Variants in POLR2J observed in about 807,000 individuals in gnomAD.
POLR2J encodes DNA-directed RNA polymerase II subunit RPB11-a.
A neutral mutation model predicts 13.4 loss-of-function variants in POLR2J; 12 were observed. That is an observed-to-expected ratio of 0.90 (90% CI 0.57 to 1.45). The LOEUF (loss-of-function observed/expected upper bound fraction) is 1.45. Among genes scored for constraint, POLR2J ranks in the 40% most tolerant of loss-of-function variants. POLR2J has a pLI of 0.00. For missense variants in POLR2J, 58 were observed against 132.0 expected (o/e 0.44, Z 2.75); for synonymous variants, 31 against 53.6 (o/e 0.58, Z 1.84).
rs768366636 is a variant in POLR2J at position 102,474,012 on chromosome 7, G to A, written c.319-328C>T. ...CAGGAACAGGTGTGGGCCACCCGGG[G>A]GTGAGCTGCCTCCCAGAGACCTGGA... On this transcript the variant is annotated intron_variant, in intron 3 of 3. Coordinates refer to ENST00000292614, the MANE Select transcript of POLR2J (RefSeq NM_006234.6). The A allele has an allele frequency of 8.7e-4, 1,255 of 1,439,148 alleles. 3 individuals carry two copies. Among genetic ancestry groups the A allele is most frequent in the Non-Finnish European group, 1.1e-3 (1,215 of 1,102,182 alleles). The allele number at this position is 1,439,148 out of a possible 1,614,324, so 89.1% of individuals were successfully genotyped here. A position where few individuals can be genotyped will look rare whatever the true frequency, so the allele number is the denominator to read the frequency against.
chr7:102,474,079 G>A (rs1798334684), intron 3 of POLR2J: 3 of 1,455,234 alleles, frequency 2.1e-6, no homozygotes, highest in Non-Finnish European at 1.8e-6. Flanking sequence ...ACGTAGAAGA[G>A]CACCCCCAAA....
In POLR2J at chr7:102,473,588, G is replaced by GC. The variant is rs1798306687; in HGVS notation, c.*60dup. The GC allele has an allele frequency of 1.3e-6, 2 of 1,563,238 alleles. No individual in the cohort carries two copies. Among genetic ancestry groups the GC allele is most frequent in the African/African-American group, 1.5e-5 (1 of 67,918 alleles). ...CGCTCTCCTCGGTGTGGTACCTGGA[G>GC]CGGAGGGTCAGGCACAGGTAGGAAC... On this transcript the variant is annotated 3_prime_UTR_variant, in exon 4 of 4. Transcript: ENST00000292614.
intron 1 of POLR2J, among the ~76,000 whole-genome samples, chr7:102,478,549 C>T (rs1338557299): frequency 6.6e-6 from 1 of 151,808 alleles, no homozygotes; most frequent in East Asian, 1.9e-4. Flanking sequence ...GAACCAGACA[C>T]TCTGGGTTCG....
Position 102,473,373 on chromosome 7 carries a change from G to A in POLR2J, c.*276C>T, listed in dbSNP as rs936184639. 7.3e-5 allele frequency: 42 copies of A among 574,760 alleles called. No homozygotes were observed. The highest frequency in any genetic ancestry group is 8.3e-5 in the Non-Finnish European group (28 of 336,312). The allele number at this position is 574,760 out of a possible 1,614,324, so 35.6% of individuals were successfully genotyped here. A position where few individuals can be genotyped will look rare whatever the true frequency, so the allele number is the denominator to read the frequency against. On this transcript the variant is annotated 3_prime_UTR_variant, in exon 4 of 4. Coordinates refer to ENST00000292614, the MANE Select transcript of POLR2J (RefSeq NM_006234.6). ...ATGAATTCATCCCTGCCAGCCGGAC[G>A]CCCCTGAAACAGGTCATCTGCCTGC...
At chr7:102,477,077 GT>G (rs1416304234) in intron 1 of POLR2J, among the ~76,000 whole-genome samples, 1 of 129,218 alleles carries the variant, frequency 7.7e-6, no homozygotes, top group Non-Finnish European at 1.7e-5. Context: ...GGTGAGGCTG[GT>G]CCTGACCCTG....
Position 102,473,493 on chromosome 7 carries a change from A to T in POLR2J, c.*156T>A, listed in dbSNP as rs891995915. On this transcript the variant is annotated 3_prime_UTR_variant, in exon 4 of 4. Coordinates refer to ENST00000292614, the MANE Select transcript of POLR2J (RefSeq NM_006234.6). ...ATACTTTATTAGGAATATAAAACCT[A>T]ATCTATGTACAGGACACGTCGGTGT... 19 of 911,560 alleles carry T rather than the reference A, an allele frequency of 2.1e-5. No individual in the cohort carries two copies. Among genetic ancestry groups the T allele is most frequent in the African/African-American group, 5.6e-5 (2 of 35,840 alleles). 56.5% of individuals were successfully genotyped at this position (911,560 alleles called of 1,614,324 possible).
At chr7:102,478,512 CAGA>C in intron 1 of POLR2J, among the ~76,000 whole-genome samples, 1 of 152,020 alleles carries the variant, frequency 6.6e-6, no homozygotes, top group Admixed American at 6.6e-5. Context: ...AGGAAGCTGC[CAGA>C]TCCCAGAGGA....
intron 1 of POLR2J, among the ~76,000 whole-genome samples, chr7:102,477,843 TGCGCTCA>T (rs1304102439): frequency 1.1e-5 from 1 of 90,312 alleles, no homozygotes; most frequent in African/African-American, 3.2e-5. Context: ...GACACAGGAT[TGCGCTCA>T]GTCGCCCAGG....
Position 102,478,886 on chromosome 7 carries a change from C to A in POLR2J, c.-26G>T. 6.2e-7 allele frequency: 1 copy of A among 1,610,280 alleles called. No homozygotes were observed. Among genetic ancestry groups the A allele is most frequent in the Non-Finnish European group, 8.5e-7 (1 of 1,179,580 alleles). The stretch of plus-strand genomic sequence containing the variant: ...GCTCCCGCCGCCGTTGCGTCCAGAC[C>A]CCAAGGGTCCGCCGCCGCCGCCACC... On this transcript the variant is annotated 5_prime_UTR_variant, in exon 1 of 4. Coordinates refer to ENST00000292614, the MANE Select transcript of POLR2J (RefSeq NM_006234.6).
intron 1 of POLR2J, among the ~76,000 whole-genome samples, chr7:102,476,532 T>C (rs553989210): frequency 6.7e-6 from 1 of 148,336 alleles, no homozygotes; most frequent in Admixed American, 6.7e-5. Context: ...CCTAGCTACT[T>C]GGGAGACTGA....
At chr7:102,476,687 G>T (rs1798442509) in intron 1 of POLR2J, among the ~76,000 whole-genome samples, 2 of 112,808 alleles carry the variant, frequency 1.8e-5, no homozygotes, top group Non-Finnish European at 3.7e-5. Flanking sequence ...CTTCCTGAAG[G>T]CCTTTCTCAA....
intron 1 of POLR2J, 71 bp downstream of exon 1, chr7:102,478,737 G>A (rs960418745): frequency 2.4e-5 from 38 of 1,598,412 alleles, no homozygotes; most frequent in Non-Finnish European, 3.2e-5. Context: ...CAAGAGATGG[G>A]CAGGAGACAC....
chr7:102,475,845 C>A (rs1035091635), intron 2 of POLR2J, among the ~76,000 whole-genome samples: 1 of 147,130 alleles, frequency 6.8e-6, no homozygotes, highest in African/African-American at 2.5e-5. Flanking sequence ...TCACTTGAAC[C>A]CGGGAGGCGG....
At chr7:102,474,214 T>C (rs564086025) in intron 3 of POLR2J, 147 bp downstream of exon 3, 3 of 1,558,416 alleles carry the variant, frequency 1.9e-6, no homozygotes, top group East Asian at 4.8e-5. Context: ...CCACATGTCC[T>C]GGAGCCTGTG....
rs2229796 is a variant in POLR2J at position 102,473,640 on chromosome 7, C to T, written c.*9G>A. The T allele has an allele frequency of 0.079, 126,621 of 1,606,104 alleles. 10,462 individuals are homozygous for T. Among genetic ancestry groups the T allele is most frequent in the East Asian group, 0.47 (20,897 of 44,640 alleles). On this transcript the variant is annotated 3_prime_UTR_variant, in exon 4 of 4. Transcript: ENST00000292614. ...GGGCTCACAGGCCGAGCAGAGCCCC[C>T]TCTGGCCCCTACTCAATTCCTTCCT...
Position 102,474,511 on chromosome 7 carries a change from CA to C in POLR2J, c.167del (p.Val56GlyfsTer54). ...IKSQLLKDPQVLFAGYKVPHP... is the reference protein window; with the variant it reads ...IKSQLLKDPQXLFAGYKVPHP... ...GGGGGACTTTGTAGCCAGCAAATAGCACTTGCGGGTCTTTTAGGAGTTGTCT... is the reference window on the plus strand; with the variant it reads ...GGGGGACTTTGTAGCCAGCAAATAGCCTTGCGGGTCTTTTAGGAGTTGTCT... On this transcript the variant is annotated frameshift_variant, in exon 3 of 4. Transcript: ENST00000292614. LOFTEE classifies it high-confidence loss of function. 1 of 1,553,436 alleles carries C rather than the reference CA, an allele frequency of 6.4e-7. No homozygotes were observed. Among genetic ancestry groups the C allele is most frequent in the Non-Finnish European group, 8.8e-7 (1 of 1,139,084 alleles).
rs1375897075 is a variant in POLR2J, at chr7:102,473,370, G to GACGCCCCT, written c.*271_*278dup. ...AGAATGAATTCATCCCTGCCAGCCG[G>GACGCCCCT]ACGCCCCTGAAACAGGTCATCTGCC... is the stretch of plus-strand genomic sequence containing the variant. On this transcript the variant is annotated 3_prime_UTR_variant, in exon 4 of 4. Transcript: ENST00000292614. 1.7e-6 allele frequency: 1 copy of GACGCCCCT among 574,036 alleles called. No individual in the cohort carries two copies. Among genetic ancestry groups the GACGCCCCT allele is most frequent in the Non-Finnish European group, 3.0e-6 (1 of 335,480 alleles). 35.6% of individuals were successfully genotyped at this position (574,036 alleles called of 1,614,324 possible).
In POLR2J at chr7:102,473,882, C is replaced by T. The variant is rs1003836487; in HGVS notation, c.319-198G>A. The T allele has an allele frequency of 2.1e-6, 3 of 1,439,976 alleles. No individual in the cohort carries two copies. The Admixed American group carries it at 8.6e-5, about 41-fold the overall frequency. The allele number at this position is 1,439,976 out of a possible 1,614,324, so 89.2% of individuals were successfully genotyped here. A position where few individuals can be genotyped will look rare whatever the true frequency, so the allele number is the denominator to read the frequency against. ...TCTCTATGGCAGCCCCGGCAGGAGT[C>T]AGAGGCCCCAGAGGCTTCCTGGTGA... On this transcript the variant is annotated intron_variant, in intron 3 of 3. Coordinates refer to ENST00000292614, the MANE Select transcript of POLR2J (RefSeq NM_006234.6).
chr7:102,473,361 T>C lies in POLR2J; in HGVS notation c.*288A>G. ...CTTTGGTCCAGAATGAATTCATCCC[T>C]GCCAGCCGGACGCCCCTGAAACAGG... On this transcript the variant is annotated 3_prime_UTR_variant, in exon 4 of 4. Coordinates refer to ENST00000292614, the MANE Select transcript of POLR2J (RefSeq NM_006234.6). The C allele has an allele frequency of 1.8e-6, 1 of 570,442 alleles. No individual in the cohort carries two copies. The highest frequency in any genetic ancestry group is 1.9e-5 in the African/African-American group (1 of 53,260). 35.3% of individuals were successfully genotyped at this position (570,442 alleles called of 1,614,324 possible). A position where few individuals can be genotyped will look rare whatever the true frequency, so the allele number is the denominator to read the frequency against.
Sources: allele counts gnomAD v4.1 joint callset (sites outside exome capture counted in the v4.1 genomes callset), GRCh38; gene constraint gnomAD v4.1.1; transcripts MANE v1.5; gene names NCBI Gene and HGNC (gene_info 2026-07-23, HGNC 2026-07-21).